FARS2: variants seen among roughly 807,000 people sequenced by gnomAD.
FARS2 encodes phenylalanyl-tRNA synthetase 2, mitochondrial.
In FARS2, 40 loss-of-function variants were observed where a neutral mutation model predicts 46.4. That is an observed-to-expected ratio of 0.86 (90% confidence interval 0.67 to 1.12). The LOEUF is 1.12. Ranked by LOEUF, FARS2 falls within the 50% of genes most tolerant of loss-of-function variation. FARS2 has a pLI of 0.00. For synonymous variants in FARS2, 234 were observed against 214.9 expected (o/e 1.09, Z -0.78); for missense variants, 513 against 567.9 (o/e 0.90, Z 0.98).
intron 4 of FARS2, among the ~76,000 whole-genome samples, chr6:5,487,069 A>G (rs557222600): frequency 6.6e-6 from 1 of 152,310 alleles, no homozygotes; most frequent in East Asian, 1.9e-4. Context: ...GATTCTTTCA[A>G]ATAAATCTCA....
intron 4 of FARS2, among the ~76,000 whole-genome samples, chr6:5,534,127 T>G (rs2150465761): frequency 6.6e-6 from 1 of 152,316 alleles, no homozygotes; most frequent in South Asian, 2.1e-4. Flanking sequence ...ATGGCTCAAT[T>G]AGTGTATCTC....
chr6:5,675,552 C>G (rs1224898712), intron 6 of FARS2, among the ~76,000 whole-genome samples: 2 of 152,144 alleles, frequency 1.3e-5, no homozygotes, highest in African/African-American at 4.8e-5. Context: ...TAAAAAGAGT[C>G]CTGTTCAGCT....
chr6:5,303,187 T>C (rs553485065), intron 1 of FARS2, among the ~76,000 whole-genome samples: 5 of 152,258 alleles, frequency 3.3e-5, no homozygotes, highest in Admixed American at 1.3e-4. Context: ...TTCTTTGCCC[T>C]GCTGCTTCCC....
intron 6 of FARS2, among the ~76,000 whole-genome samples, chr6:5,763,809 A>G (rs572070183): frequency 4.0e-5 from 6 of 149,848 alleles, no homozygotes; most frequent in African/African-American, 1.5e-4. Flanking sequence ...GTAAAGGGGG[A>G]AAATGATTTA....
chr6:5,290,965 C>G (rs529643321), intron 1 of FARS2: 2 of 152,382 alleles, frequency 1.3e-5, no homozygotes, highest in South Asian at 4.1e-4. Flanking sequence ...AGTGATCCTC[C>G]CACCTCAGCC....
chr6:5,565,388 C>A (rs1378558735), intron 5 of FARS2, among the ~76,000 whole-genome samples: 1 of 152,142 alleles, frequency 6.6e-6, no homozygotes, highest in Admixed American at 6.6e-5. Context: ...ATATTACAAT[C>A]TTTAAAGCTA....
chr6:5,542,128 G>C (rs561779487), intron 4 of FARS2, among the ~76,000 whole-genome samples: 78 of 152,146 alleles, frequency 5.1e-4, no homozygotes, highest in Non-Finnish European at 8.7e-4. Context: ...TTCTCAGCAG[G>C]GTTTTTGTGA....
At chr6:5,608,487 C>A (rs994589522) in intron 5 of FARS2, among the ~76,000 whole-genome samples, 5 of 152,214 alleles carry the variant, frequency 3.3e-5, no homozygotes, top group African/African-American at 1.2e-4. Context: ...TCACCTATGA[C>A]TTCTAAAGTC....
At chr6:5,432,327 AATATAT>A (rs71530360) in intron 4 of FARS2, among the ~76,000 whole-genome samples, 1 of 61,094 alleles carries the variant, frequency 1.6e-5, no homozygotes, top group African/African-American at 6.7e-5. Context: ...AAAAAAAAAA[AATATAT>A]ATATATATAT....
In FARS2 at chr6:5,505,754, G is replaced by C. The variant is rs765561790; in HGVS notation, c.905-39426G>C. On this transcript the variant is annotated intron_variant, in intron 4 of 6. Transcript: ENST00000274680. The stretch of plus-strand genomic sequence containing the variant: ...ACTTTGCACTTGAGGAGCAGAGGTA[G>C]CCAGTCTGCAAACAGAAAAGGAAGA... Among the ~76,000 whole-genome samples, 6 of 152,264 alleles carry C rather than the reference G, an allele frequency of 3.9e-5. 1 individual carries two copies. The South Asian group carries it at 1.2e-3, about 32-fold the overall frequency.
At chr6:5,346,543 G>A (rs185125548) in intron 1 of FARS2, among the ~76,000 whole-genome samples, 35 of 152,176 alleles carry the variant, frequency 2.3e-4, no homozygotes, top group African/African-American at 7.7e-4. Flanking sequence ...TCCATGCTCC[G>A]GAGTGTAGCA....
At chr6:5,565,873 T>G (rs1772292902) in intron 5 of FARS2, among the ~76,000 whole-genome samples, 1 of 152,170 alleles carries the variant, frequency 6.6e-6, no homozygotes, top group Non-Finnish European at 1.5e-5. Flanking sequence ...TCATTAGCCT[T>G]TACTGTGACA....
intron 5 of FARS2, among the ~76,000 whole-genome samples, chr6:5,558,307 C>T: frequency 6.6e-6 from 1 of 152,088 alleles, no homozygotes; most frequent in South Asian, 2.1e-4. Context: ...TGTATTTAGA[C>T]AGAGAAACAA....
chr6:5,427,171 CAG>C (rs1288824326), intron 3 of FARS2, among the ~76,000 whole-genome samples: 1 of 152,138 alleles, frequency 6.6e-6, no homozygotes, highest in Non-Finnish European at 1.5e-5. Flanking sequence ...ATGATCGAAT[CAG>C]GGAAATTAGC....
At position 5,478,495 on chromosome 6, in the gene FARS2, C is replaced by G. The variant is rs116059498; in HGVS notation, c.904+47323C>G. On this transcript the variant is annotated intron_variant, in intron 4 of 6. Transcript: ENST00000274680. ...TGTCCTTAATAACTCATGGCAGAAG[C>G]ATGAGTAGAGCATGAGCCTCCTGTT... Among the ~76,000 whole-genome samples, 693 of 152,276 alleles carry G rather than the reference C, an allele frequency of 4.6e-3. 6 individuals are homozygous for G. The highest frequency in any genetic ancestry group is 0.016 in the African/African-American group (663 of 41,550).
intron 4 of FARS2, among the ~76,000 whole-genome samples, chr6:5,437,217 C>T (rs1188218332): frequency 6.6e-6 from 1 of 152,138 alleles, no homozygotes; most frequent in African/African-American, 2.4e-5. Flanking sequence ...TGAGATTTAT[C>T]CATGTTGTGT....
chr6:5,763,834 C>T (rs1762615199), intron 6 of FARS2, among the ~76,000 whole-genome samples: 1 of 149,992 alleles, frequency 6.7e-6, no homozygotes. Flanking sequence ...GTTTCCAGAC[C>T]ACTTATTTAA....
At chr6:5,743,550 G>C (rs1324552168) in intron 6 of FARS2, among the ~76,000 whole-genome samples, 2 of 152,220 alleles carry the variant, frequency 1.3e-5, no homozygotes, top group African/African-American at 4.8e-5. Context: ...ATAACCTTAT[G>C]AAAGTTTCAT....
At chr6:5,358,294 C>T (rs1758065449) in intron 1 of FARS2, among the ~76,000 whole-genome samples, 1 of 143,886 alleles carries the variant, frequency 6.9e-6, no homozygotes, top group African/African-American at 2.5e-5. Context: ...AGTTTAAAAA[C>T]TGTTATATAT....
Sources: gnomAD v4.1 joint callset for allele counts (sites outside exome capture counted in the v4.1 genomes callset) on GRCh38, gnomAD v4.1.1 for gene constraint, MANE v1.5 for transcripts, NCBI Gene and HGNC (gene_info 2026-07-23, HGNC 2026-07-21) for gene names.